Variants in MYO1C observed in about 807,000 individuals in gnomAD.
MYO1C encodes the protein myosin IC.
A neutral mutation model predicts 150.8 loss-of-function variants in MYO1C; 104 were observed. The ratio of observed to expected loss-of-function variants is 0.69; its 90% confidence interval spans 0.59 to 0.81. The LOEUF (loss-of-function observed/expected upper bound fraction) is 0.81. Among genes scored for constraint, MYO1C ranks in the 30% least tolerant of loss-of-function variants. The pLI, the probability that MYO1C is intolerant of heterozygous loss-of-function variation, is 0.00. For missense variants in MYO1C, 1,504 were observed against 1,435.0 expected (o/e 1.05, Z -0.78); for synonymous variants, 663 against 579.9 (o/e 1.14, Z -2.06).
chr17:1,483,517 C>T (rs542481635), intron 3 of MYO1C, 93 bp downstream of exon 3: 33 of 917,860 alleles, frequency 3.6e-5, no homozygotes, highest in African/African-American at 2.0e-4. Flanking sequence ...TGGCGCGGGA[C>T]GCCAGGATCA....
chr17:1,467,221 G>A (rs374012872), intron 31 of MYO1C, 21 bp downstream of exon 31: 104 of 1,597,922 alleles, frequency 6.5e-5, no homozygotes, highest in Admixed American at 1.5e-4. Flanking sequence ...GGCCATAAGC[G>A]GGAAAGCAGG....
chr17:1,467,398 G>A, intron 30 of MYO1C, 57 bp from the exon 31 acceptor site: 2 of 1,596,346 alleles, frequency 1.3e-6, no homozygotes, highest in Non-Finnish European at 1.7e-6. Context: ...CAACCCTAAG[G>A]TGGACCCCCA....
At chr17:1,491,553 C>T (rs1321509774) in intron 1 of MYO1C, 52 of 899,732 alleles carry the variant, frequency 5.8e-5, no homozygotes, top group Non-Finnish European at 6.9e-5. Context: ...CGCCCGCTCC[C>T]CACACCCGCC....
chr17:1,473,187 G>A (rs1159176814), intron 17 of MYO1C, among the ~76,000 whole-genome samples: 4 of 152,188 alleles, frequency 2.6e-5, no homozygotes, highest in African/African-American at 7.2e-5. Context: ...GTGACAGAGC[G>A]AGACTCCGTC....
chr17:1,492,606 C>T lies in MYO1C; in HGVS notation c.-119G>A. The T allele has an allele frequency of 1.1e-6, 1 of 921,144 alleles. No homozygotes were observed. Among genetic ancestry groups the T allele is most frequent in the East Asian group, 2.6e-5 (1 of 37,882 alleles). 57.1% of individuals were successfully genotyped at this position (921,144 alleles called of 1,614,324 possible). A position where few individuals can be genotyped will look rare whatever the true frequency, so the allele number is the denominator to read the frequency against. ...ACCTACGGTCTAACGCCGGGATGGC[C>T]ACTTGGTTCTGCTTCAACTGCAGCC... On this transcript the variant is annotated 5_prime_UTR_variant, in exon 1 of 32. Transcript: ENST00000648651.
At chr17:1,484,886 A>AC in intron 1 of MYO1C, 1 of 47,912 alleles carries the variant, frequency 2.1e-5, no homozygotes, top group Admixed American at 3.6e-4. Flanking sequence ...ACCCAGACCC[A>AC]CCCCCACCTC....
Position 1,475,627 on chromosome 17 carries a change from G to A in MYO1C, c.1575-595C>T, listed in dbSNP as rs1304156532. On this transcript the variant is annotated intron_variant, in intron 14 of 31. Coordinates refer to ENST00000648651, the MANE Select transcript of MYO1C (RefSeq NM_001080779.2). ...CTGCTCAGAAGGGGTGGTGAGCTGC[G>A]CACTACTTTTCAGAATGGAATCTGC... 3.3e-5 allele frequency among the ~76,000 whole-genome samples: 5 copies of A among 152,382 alleles called. No homozygotes were observed. The South Asian group carries it at 6.2e-4, about 19-fold the overall frequency.
chr17:1,465,704 G>A lies in MYO1C; in HGVS notation c.*22C>T. On this transcript the variant is annotated 3_prime_UTR_variant, in exon 32 of 32. Transcript: ENST00000648651. The stretch of plus-strand genomic sequence containing the variant: ...AGAAAAGCAAAGCATTGGGCGTTGG[G>A]AGGGTCCAGTGGGCGCCTTTATCAC... 1.5e-6 allele frequency: 2 copies of A among 1,330,654 alleles called. No individual in the cohort carries two copies. Among genetic ancestry groups the A allele is most frequent in the Non-Finnish European group, 1.9e-6 (2 of 1,030,518 alleles). The allele number at this position is 1,330,654 out of a possible 1,614,324, so 82.4% of individuals were successfully genotyped here.
At chr17:1,477,664 A>C (rs747182219) in intron 13 of MYO1C, 68 bp from the exon 14 acceptor site, 109 of 1,296,524 alleles carry the variant, frequency 8.4e-5, no homozygotes, top group African/African-American at 1.0e-4. Context: ...GATTGGGGTC[A>C]CCGTGCTGGG....
rs367620644 is a variant in MYO1C at position 1,472,052 on chromosome 17, C to T, written c.1904-28G>A. On this transcript the variant is annotated intron_variant, in intron 18 of 31. Coordinates refer to ENST00000648651, the MANE Select transcript of MYO1C (RefSeq NM_001080779.2). The stretch of plus-strand genomic sequence containing the variant: ...GGGGTAGGGGGAGCGCCGTGGTCAG[C>T]GGGCTGGCGCTGACGGCCTGTCTCC... 8 of 1,610,856 alleles carry T rather than the reference C, an allele frequency of 5.0e-6. No individual in the cohort carries two copies. In the South Asian group the frequency reaches 5.5e-5, roughly 11 times the overall value.
At chr17:1,490,491 C>T (rs1028283842) in intron 1 of MYO1C, among the ~76,000 whole-genome samples, 1 of 152,078 alleles carries the variant, frequency 6.6e-6, no homozygotes, top group South Asian at 2.1e-4. Context: ...GAGCGAGACT[C>T]CATCTCAAAA....
intron 14 of MYO1C, among the ~76,000 whole-genome samples, chr17:1,475,279 C>T (rs997080863): frequency 1.2e-4 from 19 of 152,238 alleles, no homozygotes; most frequent in Non-Finnish European, 2.6e-4. Context: ...ATTAGCCAGG[C>T]GTGGTGGTGG....
At chr17:1,487,284 C>A (rs533184680) in intron 1 of MYO1C, among the ~76,000 whole-genome samples, 1 of 152,246 alleles carries the variant, frequency 6.6e-6, no homozygotes, top group East Asian at 1.9e-4. Flanking sequence ...GAGCCTCAGG[C>A]GCGTCTGCAG....
At chr17:1,492,334 G>A (rs2074744720) in intron 1 of MYO1C, 79 bp downstream of exon 1, 4 of 1,435,276 alleles carry the variant, frequency 2.8e-6, no homozygotes, top group Non-Finnish European at 3.8e-6. Flanking sequence ...GCTCTTGCCC[G>A]AGGGCTCGCC....
In MYO1C at chr17:1,467,906, G is replaced by A; in HGVS notation, c.2901C>T (p.Ile967=). ...GACTGTCGCTCAGGCTGCTGACAGA[G>A]ATTCCTGAGGGGAGAGGGCAAAGGT... The part of the protein sequence containing the change: ...QRIDYANLTG[I]SVSSLSDSLF... The change falls in exon 29 of 32, where the codon ATC becomes ATT. Residue 967 remains isoleucine (I), a synonymous_variant. Coordinates refer to ENST00000648651, the MANE Select transcript of MYO1C (RefSeq NM_001080779.2). 2 of 1,612,332 alleles carry A rather than the reference G, an allele frequency of 1.2e-6. No individual in the cohort carries two copies. Among genetic ancestry groups the A allele is most frequent in the Non-Finnish European group, 8.5e-7 (1 of 1,179,760 alleles).
intron 17 of MYO1C, 82 bp from the exon 18 acceptor site, chr17:1,472,310 G>T: frequency 8.2e-7 from 1 of 1,214,864 alleles, no homozygotes; most frequent in Non-Finnish European, 1.2e-6. Flanking sequence ...CACTCCCCTG[G>T]CTGGTGACGC....
rs571719982 is a variant in MYO1C, at chr17:1,484,196, G to A, written c.183C>T (p.Ala61=). 22 of 1,612,858 alleles carry A rather than the reference G, an allele frequency of 1.4e-5. No homozygotes were observed. Among genetic ancestry groups the A allele is most frequent in the Middle Eastern group, 1.6e-4 (1 of 6,084 alleles). The change falls in exon 2 of 32, where the codon GCC becomes GCT. Residue 61 remains alanine, a synonymous_variant. Transcript: ENST00000648651. ...GCCGCCGCAGGTTCTCGATGAAGGC[G>A]GCCTCGCTGGTGAAGTTCTCCAGCA... ...FVLLENFTSE[A]AFIENLRRRF... is the part of the protein sequence containing the mutation.
chr17:1,471,272 C>T lies in MYO1C; in HGVS notation c.2086G>A (p.Val696Met), dbSNP rs749349310. ...TTGTAGCCCAGGTGTCGGACCAGCACAGCCACCCCATCCTGCGGCCGTCCT... is the reference window on the plus strand; with the variant it reads ...TTGTAGCCCAGGTGTCGGACCAGCATAGCCACCCCATCCTGCGGCCGTCCT... ...WAGRPQDGVA[V>M]LVRHLGYKPE... Residue 696 changes from valine to methionine, a missense_variant, in exon 20 of 32, where the codon GTG (valine) becomes ATG (methionine). Physicochemically the swap from Val to Met is conservative, Grantham distance 21 (BLOSUM62 1). Transcript: ENST00000648651. The T allele has an allele frequency of 2.5e-6, 4 of 1,614,036 alleles. No homozygotes were observed. The highest frequency in any genetic ancestry group is 2.2e-5 in the East Asian group (1 of 44,876).
At chr17:1,483,851 C>A (rs971068880) in intron 2 of MYO1C, 126 bp from the exon 3 acceptor site, 1 of 774,200 alleles carries the variant, frequency 1.3e-6, no homozygotes, top group Non-Finnish European at 2.2e-6. Context: ...CAAGACCAAC[C>A]TGACCAACAT....
Sources: gnomAD v4.1 joint callset for allele counts (sites outside exome capture counted in the v4.1 genomes callset) on GRCh38, gnomAD v4.1.1 for gene constraint, MANE v1.5 for transcripts, NCBI Gene and HGNC (gene_info 2026-07-23, HGNC 2026-07-21) for gene names.